Variants in C4orf17 observed in about 807,000 individuals in gnomAD.
The protein encoded by C4orf17 is uncharacterized protein C4orf17.
C4orf17 carries 25 observed loss-of-function variants against 32.0 expected under a neutral mutation model. That is an observed-to-expected ratio of 0.78 (90% CI 0.57 to 1.09). The LOEUF (loss-of-function observed/expected upper bound fraction) is 1.09, where lower values mean the gene tolerates loss of function less well. Ranked by LOEUF, C4orf17 falls within the 50% of genes least tolerant of loss-of-function variation. The probability of loss-of-function intolerance (pLI) is 0.00; values close to 1 mark genes in which losing one functional copy is unlikely to be tolerated. For missense variants in C4orf17, 420 were observed against 420.0 expected, an observed-to-expected ratio of 1.00 and a Z score of 0.00; for synonymous variants, 149 against 145.8, an observed-to-expected ratio of 1.02 and a Z score of -0.16.
chr4:99,513,173 A>G lies in C4orf17; in HGVS notation c.92A>G (p.His31Arg). The change falls in exon 2 of 9, where the codon CAC becomes CGC. Residue 31 changes from histidine to arginine, a missense_variant. Physicochemically the swap from His to Arg is conservative, Grantham distance 29 (BLOSUM62 0). Transcript: ENST00000326581. The stretch of plus-strand genomic sequence containing the variant: ...AATGTAAGCTGCTTTCTAGTCAGGC[A>G]CACCCCTCATCCCAGAAGAGTCTGC... ...ARNVSCFLVRHTPHPRRVCHI... is the reference protein window; with the variant it reads ...ARNVSCFLVRRTPHPRRVCHI... The G allele has an allele frequency of 2.8e-5, 45 of 1,613,922 alleles. No homozygotes were observed. The highest frequency in any genetic ancestry group is 3.8e-5 in the Non-Finnish European group (45 of 1,179,854).
intron 5 of C4orf17, among the ~76,000 whole-genome samples, chr4:99,531,197 C>T (rs528202254): frequency 3.9e-5 from 6 of 151,976 alleles, no homozygotes; most frequent in Admixed American, 2.6e-4. Flanking sequence ...TCTCTCTCCT[C>T]GCCCCACTCC....
intron 7 of C4orf17, 97 bp from the exon 8 acceptor site, chr4:99,540,315 A>G: frequency 1.3e-6 from 1 of 754,540 alleles, no homozygotes; most frequent in Non-Finnish European, 2.2e-6. Context: ...CATATTTAAG[A>G]TACATATACA....
chr4:99,515,900 G>A (rs1723173149), intron 2 of C4orf17, among the ~76,000 whole-genome samples: 1 of 152,174 alleles, frequency 6.6e-6, no homozygotes, highest in East Asian at 1.9e-4. Flanking sequence ...CACCTGTGCA[G>A]ATACACGAGG....
chr4:99,522,988 G>T (rs1217804873), intron 3 of C4orf17, among the ~76,000 whole-genome samples: 1 of 152,166 alleles, frequency 6.6e-6, no homozygotes, highest in Non-Finnish European at 1.5e-5. Context: ...AAAGATGCCA[G>T]AAATGAATGT....
chr4:99,539,078 T>G, intron 6 of C4orf17, 85 bp from the exon 7 acceptor site: 1 of 1,220,604 alleles, frequency 8.2e-7, no homozygotes. Flanking sequence ...TCTTTCATAC[T>G]CAGGAGCTGG....
At chr4:99,512,547 T>G (rs1490989802) in intron 1 of C4orf17, among the ~76,000 whole-genome samples, 1 of 152,154 alleles carries the variant, frequency 6.6e-6, no homozygotes, top group Non-Finnish European at 1.5e-5. Context: ...GATATACATT[T>G]TAAGATGCTG....
intron 2 of C4orf17, among the ~76,000 whole-genome samples, chr4:99,520,757 A>G (rs1723274627): frequency 1.3e-5 from 2 of 152,192 alleles, no homozygotes; most frequent in Admixed American, 6.5e-5. Flanking sequence ...ATTTGGTCCC[A>G]TTTACAAACT....
intron 1 of C4orf17, among the ~76,000 whole-genome samples, chr4:99,512,005 T>C (rs1025580289): frequency 1.3e-5 from 2 of 152,140 alleles, no homozygotes; most frequent in Non-Finnish European, 2.9e-5. Context: ...AGTCTAAGTA[T>C]ATAGCATGAA....
chr4:99,531,749 G>T (rs1446579298), intron 5 of C4orf17, among the ~76,000 whole-genome samples: 1 of 152,040 alleles, frequency 6.6e-6, no homozygotes, highest in Non-Finnish European at 1.5e-5. Context: ...GAACGGAGAG[G>T]GAATAAAGTG....
chr4:99,541,850 G>A (rs971450615), intron 8 of C4orf17, 60 bp from the exon 9 acceptor site: 5 of 1,188,062 alleles, frequency 4.2e-6, no homozygotes, highest in Non-Finnish European at 6.0e-6. Context: ...ACTAAAACAT[G>A]GAGAAGGTGT....
chr4:99,515,402 G>A (rs191419983), intron 2 of C4orf17, among the ~76,000 whole-genome samples: 47 of 152,246 alleles, frequency 3.1e-4, no homozygotes, highest in African/African-American at 9.4e-4. Flanking sequence ...GTAGGGATAT[G>A]GATGGAGCTG....
chr4:99,533,977 T>C (rs1723518579), intron 5 of C4orf17, among the ~76,000 whole-genome samples: 1 of 152,230 alleles, frequency 6.6e-6, no homozygotes, highest in African/African-American at 2.4e-5. Context: ...CACTATTTTT[T>C]CCCTCAACTT....
chr4:99,513,577 C>T (rs1723130700), intron 2 of C4orf17, among the ~76,000 whole-genome samples: 1 of 152,110 alleles, frequency 6.6e-6, no homozygotes, highest in African/African-American at 2.4e-5. Flanking sequence ...TGCTAAATAT[C>T]ATCCCTAAGG....
rs551253143 is a variant in C4orf17, at chr4:99,539,038, T to A, written c.629-125T>A. The A allele has an allele frequency of 5.9e-5, 52 of 878,164 alleles. No individual in the cohort carries two copies. The African/African-American group carries it at 8.7e-4, about 15-fold the overall frequency. The allele number at this position is 878,164 out of a possible 1,614,324, so 54.4% of individuals were successfully genotyped here. On this transcript the variant is annotated intron_variant, in intron 6 of 8. Transcript: ENST00000326581. The stretch of plus-strand genomic sequence containing the variant: ...TTCTGCAGAAGTCCTTACTCCCACA[T>A]AGGTAACTATCCAGAAAATAGATGA...
At position 99,541,928 on chromosome 4, in the gene C4orf17, C is replaced by A. The variant is rs201530498; in HGVS notation, c.899C>A (p.Pro300Gln). 3.8e-5 allele frequency: 61 copies of A among 1,613,194 alleles called. No homozygotes were observed. In the East Asian group the frequency reaches 1.3e-3, roughly 34 times the overall value. Residue 300 changes from proline (P) to glutamine (Q), a missense_variant, in exon 9 of 9, where the codon CCA becomes CAA. Pro to Gln is a moderately conservative substitution (Grantham distance 76, BLOSUM62 -1). Transcript: ENST00000326581. ...ATTTCAGAGGCTGAGCACAAGCCTCCACTACTTATAAGAAGAAATAATATG... is the reference window on the plus strand; with the variant it reads ...ATTTCAGAGGCTGAGCACAAGCCTCAACTACTTATAAGAAGAAATAATATG... ...EVPKEAEHKP[P>Q]LLIRRNNMKI...
At chr4:99,518,997 TG>T (rs1190155203) in intron 2 of C4orf17, among the ~76,000 whole-genome samples, 7 of 151,894 alleles carry the variant, frequency 4.6e-5, no homozygotes. Context: ...GACTCTGAGG[TG>T]GAGATTTGTG....
Position 99,539,130 on chromosome 4 carries a change from A to G in C4orf17, c.629-33A>G, listed in dbSNP as rs1356307370. 6 of 1,588,724 alleles carry G rather than the reference A, an allele frequency of 3.8e-6. No individual in the cohort carries two copies. In the South Asian group the frequency reaches 6.6e-5, roughly 18 times the overall value. ...ATCCAACATGATAATTGCAACCTTC[A>G]CTCCTCCCACCCTTTTTTGTCTTTT... On this transcript the variant is annotated intron_variant, in intron 6 of 8. Coordinates refer to ENST00000326581, the MANE Select transcript of C4orf17 (RefSeq NM_032149.3).
intron 5 of C4orf17, among the ~76,000 whole-genome samples, chr4:99,535,760 A>C (rs1262466748): frequency 6.6e-6 from 1 of 152,160 alleles, no homozygotes; most frequent in Non-Finnish European, 1.5e-5. Context: ...GCCTCAGCCC[A>C]GTTCTGTGCC....
intron 5 of C4orf17, among the ~76,000 whole-genome samples, chr4:99,531,887 T>C (rs565036414): frequency 4.3e-4 from 65 of 152,280 alleles, no homozygotes; most frequent in African/African-American, 1.4e-3. Flanking sequence ...AATTTCCTAC[T>C]ATCCATTGAG....
Sources: gnomAD v4.1 joint callset for allele counts (sites outside exome capture counted in the v4.1 genomes callset) on GRCh38, gnomAD v4.1.1 for gene constraint, MANE v1.5 for transcripts, NCBI Gene and HGNC (gene_info 2026-07-23, HGNC 2026-07-21) for gene names.